PCDH9: variants seen among roughly 807,000 people sequenced by gnomAD.
PCDH9 encodes protocadherin 9.
Under a neutral mutation model 70.6 loss-of-function variants are expected in PCDH9, and 24 were observed. That is an observed-to-expected ratio of 0.34 (90% CI 0.25 to 0.48). The LOEUF (loss-of-function observed/expected upper bound fraction) is 0.48. Ranked by LOEUF, PCDH9 falls within the 20% of genes least tolerant of loss-of-function variation. The probability of loss-of-function intolerance (pLI) is 0.99; values close to 1 mark genes in which losing one functional copy is unlikely to be tolerated. For missense variants in PCDH9, 1,281 were observed against 1,503.6 expected (o/e 0.85, Z 2.45); for synonymous variants, 562 against 558.5 (o/e 1.01, Z -0.09).
chr13:66,684,500 C>T (rs2139068442), intron 3 of PCDH9, among the ~76,000 whole-genome samples: 1 of 151,956 alleles, frequency 6.6e-6, no homozygotes, highest in Middle Eastern at 3.4e-3. Flanking sequence ...CCATACTGTC[C>T]TTGACAGTGA....
chr13:66,551,248 A>G (rs10507739), intron 4 of PCDH9, among the ~76,000 whole-genome samples: 39,361 of 151,974 alleles, frequency 0.26, 5,337 homozygotes, highest in South Asian at 0.34. Context: ...AGCTGTCTCC[A>G]CCAAAGGGAA....
chr13:66,581,366 A>C (rs1177810816), intron 4 of PCDH9, among the ~76,000 whole-genome samples: 1 of 152,180 alleles, frequency 6.6e-6, no homozygotes, highest in East Asian at 1.9e-4. Context: ...TGCTATGTGA[A>C]GGTTTCTTGC....
chr13:66,347,516 C>CA (rs993180908), intron 4 of PCDH9, among the ~76,000 whole-genome samples: 65 of 152,152 alleles, frequency 4.3e-4, no homozygotes, highest in African/African-American at 1.5e-3. Flanking sequence ...CACCACTTCC[C>CA]AAAAAACATC....
chr13:66,506,605 C>G (rs1040712076), intron 4 of PCDH9, among the ~76,000 whole-genome samples: 1 of 152,148 alleles, frequency 6.6e-6, no homozygotes, highest in Non-Finnish European at 1.5e-5. Flanking sequence ...GGTCAGTGAG[C>G]AGGTTACAGG....
intron 3 of PCDH9, among the ~76,000 whole-genome samples, chr13:66,682,105 G>C (rs2078330731): frequency 6.6e-6 from 1 of 151,750 alleles, no homozygotes; most frequent in Non-Finnish European, 1.5e-5. Context: ...CTGCATACCT[G>C]TATCATTGTT....
rs1955403282 is a variant in PCDH9, at chr13:66,303,352, C to A, written c.*1303G>T. Reference sequence around the variant, plus strand: ...GACCTAAGTGACAATATGCTGGTACCTGCCAGGCATTGACCAACTATGATA... The same window carrying A: ...GACCTAAGTGACAATATGCTGGTACATGCCAGGCATTGACCAACTATGATA... On this transcript the variant is annotated 3_prime_UTR_variant, in exon 5 of 5. Transcript: ENST00000377865. 6.6e-6 allele frequency: 1 copy of A among 152,442 alleles called. No individual in the cohort carries two copies. Among genetic ancestry groups the A allele is most frequent in the South Asian group, 2.1e-4 (1 of 4,822 alleles). The allele number at this position is 152,442 out of a possible 1,614,324, so 9.4% of individuals were successfully genotyped here.
chr13:66,958,168 G>C (rs9571703), intron 2 of PCDH9, among the ~76,000 whole-genome samples: 65,987 of 151,926 alleles, frequency 0.43, 15,395 homozygotes, highest in South Asian at 0.59. Context: ...GAATTTGACG[G>C]AGCGTACAAT....
At chr13:66,954,389 T>A (rs2083233861) in intron 2 of PCDH9, among the ~76,000 whole-genome samples, 2 of 151,732 alleles carry the variant, frequency 1.3e-5, no homozygotes, top group Admixed American at 1.3e-4. Flanking sequence ...ACAAAAACAC[T>A]CTCCTAGTGA....
intron 4 of PCDH9, among the ~76,000 whole-genome samples, chr13:66,626,639 A>AT (rs2077502559): frequency 6.6e-6 from 1 of 152,224 alleles, no homozygotes; most frequent in African/African-American, 2.4e-5. Flanking sequence ...GGAATTAGAC[A>AT]TTTTTAAAAA....
At chr13:67,010,087 A>G (rs1228415947) in intron 2 of PCDH9, among the ~76,000 whole-genome samples, 1 of 152,042 alleles carries the variant, frequency 6.6e-6, no homozygotes, top group African/African-American at 2.4e-5. Context: ...ATAAAAGCTT[A>G]TATTTATTGA....
chr13:67,204,970 T>C (rs867421125), intron 2 of PCDH9: 13 of 152,196 alleles, frequency 8.5e-5, no homozygotes, highest in South Asian at 2.1e-4. Flanking sequence ...TTGGCTTTTA[T>C]GTTTGGTCTA....
intron 4 of PCDH9, among the ~76,000 whole-genome samples, chr13:66,363,431 A>G (rs1366431473): frequency 6.6e-6 from 1 of 152,200 alleles, no homozygotes. Flanking sequence ...TTTGAGAACT[A>G]TACGTATCGG....
At chr13:66,684,009 A>G (rs2078364825) in intron 3 of PCDH9, among the ~76,000 whole-genome samples, 1 of 152,204 alleles carries the variant, frequency 6.6e-6, no homozygotes, top group African/African-American at 2.4e-5. Flanking sequence ...AATAGAGCAT[A>G]CACTTCCAGG....
In PCDH9 at chr13:67,193,960, A is replaced by G. The variant is rs572717491; in HGVS notation, c.3036+31445T>C. ...AGTTACACATACATACACAGAAACA[A>G]GAAACAATGTAACTTTCGAATTGCA... On this transcript the variant is annotated intron_variant, in intron 2 of 4. Transcript: ENST00000377865. 8.5e-5 allele frequency among the ~76,000 whole-genome samples: 13 copies of G among 152,296 alleles called. No individual in the cohort carries two copies. The East Asian group carries it at 1.9e-3, about 23-fold the overall frequency.
chr13:66,459,881 G>A (rs1958390424), intron 4 of PCDH9, among the ~76,000 whole-genome samples: 1 of 151,866 alleles, frequency 6.6e-6, no homozygotes, highest in African/African-American at 2.4e-5. Flanking sequence ...TCATAACAAA[G>A]TGGTAAGGAG....
chr13:66,531,314 G>C (rs1214341533), intron 4 of PCDH9, among the ~76,000 whole-genome samples: 1 of 151,958 alleles, frequency 6.6e-6, no homozygotes, highest in Non-Finnish European at 1.5e-5. Flanking sequence ...TTCCTATCGA[G>C]TACAAGAAAA....
intron 4 of PCDH9, among the ~76,000 whole-genome samples, chr13:66,535,126 T>C (rs1235400300): frequency 6.6e-6 from 1 of 151,998 alleles, no homozygotes; most frequent in Non-Finnish European, 1.5e-5. Context: ...TTCTGATTAA[T>C]AAAAATGATA....
chr13:66,557,640 G>A (rs912736637), intron 4 of PCDH9, among the ~76,000 whole-genome samples: 5 of 152,072 alleles, frequency 3.3e-5, no homozygotes, highest in African/African-American at 9.7e-5. Context: ...TTTAGCAAGC[G>A]TTTTTAACAG....
chr13:66,778,315 A>T (rs1315433515), intron 3 of PCDH9, among the ~76,000 whole-genome samples: 6 of 152,116 alleles, frequency 3.9e-5, no homozygotes, highest in African/African-American at 7.2e-5. Flanking sequence ...TCTGCTCTTT[A>T]ATCTTCTACT....
Sources: allele counts gnomAD v4.1 joint callset (sites outside exome capture counted in the v4.1 genomes callset), GRCh38; gene constraint gnomAD v4.1.1; transcripts MANE v1.5; gene names NCBI Gene and HGNC (gene_info 2026-07-23, HGNC 2026-07-21).